The following PPP1R36 variants were observed in gnomAD, a reference collection of about 807,000 sequenced individuals.
PPP1R36 encodes chromosome 14 open reading frame 50.
Under a neutral mutation model 53.4 loss-of-function variants are expected in PPP1R36, and 47 were observed. The observed-to-expected ratio is 0.88, with a 90% CI of 0.70 to 1.12. PPP1R36 has a LOEUF of 1.12. Ranked by LOEUF, PPP1R36 falls within the 50% of genes most tolerant of loss-of-function variation. The pLI, the probability that PPP1R36 is intolerant of heterozygous loss-of-function variation, is 0.00. For synonymous variants in PPP1R36, 153 were observed against 170.5 expected (o/e 0.90, Z 0.80); for missense variants, 456 against 513.9 (o/e 0.89, Z 1.09).
At chr14:64,573,913 C>CAAAAAAAAAAAAAAAAAAA (rs35427371) in intron 7 of PPP1R36, among the ~76,000 whole-genome samples, 1 of 32,536 alleles carries the variant, frequency 3.1e-5, no homozygotes, top group Non-Finnish European at 4.9e-5. Flanking sequence ...GACTCTGTCT[C>CAAAAAAAAAAAAAAAAAAA]AAAAAAAAAA....
At chr14:64,578,609 C>T (rs2080361944) in intron 8 of PPP1R36, among the ~76,000 whole-genome samples, 1 of 152,150 alleles carries the variant, frequency 6.6e-6, no homozygotes, top group African/African-American at 2.4e-5. Context: ...CAAAAAATAA[C>T]AGATGCTGGC....
intron 6 of PPP1R36, among the ~76,000 whole-genome samples, chr14:64,566,464 T>C (rs1566652599): frequency 6.7e-6 from 1 of 149,308 alleles, no homozygotes; most frequent in Non-Finnish European, 1.5e-5. Context: ...AAAAAAGATA[T>C]ACCCATTTAC....
At chr14:64,587,448 C>A in intron 10 of PPP1R36, 76 bp downstream of exon 10, 1 of 108,940 alleles carries the variant, frequency 9.2e-6, no homozygotes, top group Non-Finnish European at 1.4e-5. Flanking sequence ...CTTTTTTCTC[C>A]TTTTTTTTTT....
At chr14:64,553,815 G>C (rs1429990140) in intron 3 of PPP1R36, among the ~76,000 whole-genome samples, 1 of 121,430 alleles carries the variant, frequency 8.2e-6, no homozygotes, top group Non-Finnish European at 1.7e-5. Flanking sequence ...CTACGTGTAA[G>C]TTATAACTAA....
intron 2 of PPP1R36, chr14:64,551,610 A>G (rs1229430422): frequency 2.2e-6 from 1 of 456,196 alleles, no homozygotes; most frequent in Non-Finnish European, 4.4e-6. Flanking sequence ...GTGGAAAGTG[A>G]ACATTAATGT....
intron 6 of PPP1R36, among the ~76,000 whole-genome samples, chr14:64,567,322 A>G (rs1036469018): frequency 2.0e-4 from 30 of 152,236 alleles, no homozygotes; most frequent in African/African-American, 7.0e-4. Flanking sequence ...AGCAAGGCAC[A>G]TACACTCTGT....
At chr14:64,586,951 G>A (rs2080438377) in intron 9 of PPP1R36, 72 bp downstream of exon 9, 2 of 1,249,532 alleles carry the variant, frequency 1.6e-6, no homozygotes, top group Admixed American at 3.6e-5. Flanking sequence ...CATTTGTCAG[G>A]CACTTATTTT....
At position 64,565,375 on chromosome 14, in the gene PPP1R36, T is replaced by TGCTGCAAAAGATGATAAG. The variant is rs2080241601; in HGVS notation, c.289_306dup (p.Ala97_Lys102dup). 6.2e-7 allele frequency: 1 copy of TGCTGCAAAAGATGATAAG among 1,612,566 alleles called. No individual in the cohort carries two copies. Among genetic ancestry groups the TGCTGCAAAAGATGATAAG allele is most frequent in the African/African-American group, 1.3e-5 (1 of 74,840 alleles). On this transcript the variant is annotated inframe_insertion, in exon 5 of 12. Transcript: ENST00000298705. The stretch of plus-strand genomic sequence containing the variant: ...AAAACAGGTTGACAGATAAAAGACT[T>TGCTGCAAAAGATGATAAG]GCTGCAAAAGATGATAAGTCAGCTA...
chr14:64,589,311 G>A lies in PPP1R36; in HGVS notation c.1242G>A (p.Leu414=), dbSNP rs2080465647. 6.2e-7 allele frequency: 1 copy of A among 1,613,452 alleles called. No homozygotes were observed. The highest frequency in any genetic ancestry group is 1.3e-5 in the African/African-American group (1 of 74,994). The change falls in exon 12 of 12, where the codon CTG becomes CTA. Residue 414 remains leucine, a synonymous_variant. Transcript: ENST00000298705. ...CACTGGACTTGGTCATGAAAACACT[G>A]TCCTCTCATACATCATGCCCTAAGT... ...QDTLDLVMKT[L]SSHTSCPK
rs546943561 is a variant in PPP1R36, at chr14:64,565,285, G to A, written c.270-72G>A. 1.7e-3 allele frequency: 1,651 copies of A among 975,994 alleles called. 3 individuals carry two copies. The highest frequency in any genetic ancestry group is 2.1e-3 in the Non-Finnish European group (1,366 of 657,650). 60.5% of individuals were successfully genotyped at this position (975,994 alleles called of 1,614,324 possible). ...TATTACTTTTTAATAAATGCTTCCT[G>A]CACCTCAGGATAGATTAAATACAAC... On this transcript the variant is annotated intron_variant, in intron 4 of 11. Transcript: ENST00000298705.
intron 1 of PPP1R36, chr14:64,550,293 A>G (rs2080084141): frequency 1.5e-6 from 2 of 1,349,344 alleles, no homozygotes; most frequent in East Asian, 5.9e-5. Context: ...GCAGGTAGTT[A>G]GATATTTACG....
intron 3 of PPP1R36, among the ~76,000 whole-genome samples, chr14:64,560,670 A>C (rs930537270): frequency 4.6e-5 from 7 of 152,142 alleles, no homozygotes; most frequent in African/African-American, 1.7e-4. Context: ...ATCAAGGAAG[A>C]CACCATTTTC....
chr14:64,584,943 A>G lies in PPP1R36; in HGVS notation c.669-1894A>G, dbSNP rs540577941. Among the ~76,000 whole-genome samples the G allele has an allele frequency of 2.2e-4, 34 of 152,334 alleles. 1 individual carries two copies. The South Asian group carries it at 6.6e-3, about 30-fold the overall frequency. On this transcript the variant is annotated intron_variant, in intron 8 of 11. Transcript: ENST00000298705. ...TGTTCACTCTAATTGCTATTGCCGT[A>G]GTTCTTTATTGAAGACTTGCACATG...
At chr14:64,567,463 A>G (rs2080268904) in intron 6 of PPP1R36, among the ~76,000 whole-genome samples, 1 of 152,250 alleles carries the variant, frequency 6.6e-6, no homozygotes, top group South Asian at 2.1e-4. Flanking sequence ...TACATATAAT[A>G]TCATAGAAAG....
At position 64,578,594 on chromosome 14, in the gene PPP1R36, A is replaced by G. The variant is rs148147030; in HGVS notation, c.668+4005A>G. Among the ~76,000 whole-genome samples the G allele has an allele frequency of 3.0e-4, 45 of 152,364 alleles. No individual in the cohort carries two copies. In the East Asian group the frequency reaches 8.1e-3, roughly 27 times the overall value. ...CATCAGTCAGAATGGCCATTATTAA[A>G]AAGTCAAAAAATAACAGATGCTGGC... On this transcript the variant is annotated intron_variant, in intron 8 of 11. Coordinates refer to ENST00000298705, the MANE Select transcript of PPP1R36 (RefSeq NM_172365.3).
chr14:64,579,394 G>C (rs867506447), intron 8 of PPP1R36, among the ~76,000 whole-genome samples: 2 of 152,204 alleles, frequency 1.3e-5, no homozygotes, highest in Non-Finnish European at 2.9e-5. Context: ...AAAAGTTGGG[G>C]ATGTTTCAGC....
intron 2 of PPP1R36, among the ~76,000 whole-genome samples, chr14:64,552,077 A>T (rs2080098237): frequency 6.6e-6 from 1 of 152,168 alleles, no homozygotes; most frequent in Non-Finnish European, 1.5e-5. Flanking sequence ...GATTGATAGG[A>T]TGTGGGGATT....
At chr14:64,551,094 A>G (rs2080091064) in intron 2 of PPP1R36, 109 bp downstream of exon 2, 9 of 682,542 alleles carry the variant, frequency 1.3e-5, no homozygotes, top group South Asian at 2.0e-5. Context: ...AACCTTTGCC[A>G]TCTGGAAGGA....
intron 8 of PPP1R36, among the ~76,000 whole-genome samples, chr14:64,576,388 G>T (rs1401996809): frequency 1.5e-4 from 23 of 152,106 alleles, no homozygotes; most frequent in Admixed American, 1.5e-3. Flanking sequence ...GCCCTAATTC[G>T]TTCTTTAGTT....
Sources: allele counts gnomAD v4.1 joint callset (sites outside exome capture counted in the v4.1 genomes callset), GRCh38; gene constraint gnomAD v4.1.1; transcripts MANE v1.5; gene names NCBI Gene and HGNC (gene_info 2026-07-23, HGNC 2026-07-21).